IGFBP6: variants seen among roughly 807,000 people sequenced by gnomAD.
IGFBP6 encodes the protein insulin-like growth factor-binding protein 6.
In IGFBP6, 24 loss-of-function variants were observed where a neutral mutation model predicts 24.5. That is an observed-to-expected ratio of 0.98 (90% CI 0.71 to 1.38). The LOEUF (loss-of-function observed/expected upper bound fraction) is 1.38, where lower values mean the gene tolerates loss of function less well. Among genes scored for constraint, IGFBP6 ranks in the 40% most tolerant of loss-of-function variants. The pLI is 0.00. For synonymous variants in IGFBP6, 147 were observed against 137.4 expected (o/e 1.07, Z -0.49); for missense variants, 331 against 324.8 (o/e 1.02, Z -0.15).
intron 1 of IGFBP6, chr12:53,098,894 AT>A (rs1311383666): frequency 6.5e-6 from 1 of 153,110 alleles, no homozygotes; most frequent in African/African-American, 2.4e-5. Flanking sequence ...GGGATGGAGA[AT>A]TCACTTGGAG....
In IGFBP6 at chr12:53,101,079, A is replaced by T. The variant is rs1249809007; in HGVS notation, c.519A>T (p.Gln173His). 2 of 1,613,886 alleles carry T rather than the reference A, an allele frequency of 1.2e-6. No individual in the cohort carries two copies. The highest frequency in any genetic ancestry group is 8.5e-7 in the Non-Finnish European group (1 of 1,179,990). The change falls in exon 3 of 4, where the codon CAA becomes CAT. Residue 173 changes from glutamine (Q) to histidine (H), a missense_variant. Physicochemically the swap from Gln to His is conservative, Grantham distance 24. Transcript: ENST00000301464. ...CRRHLDSVLQ[Q>H]LQTEVYRGAQ... ...GACATCTGGACTCAGTGCTGCAGCAACTCCAGACTGAGGTCTACCGAGGGG... is the reference window on the plus strand; with the variant it reads ...GACATCTGGACTCAGTGCTGCAGCATCTCCAGACTGAGGTCTACCGAGGGG...
At position 53,097,968 on chromosome 12, in the gene IGFBP6, G is replaced by T; in HGVS notation, c.251G>T (p.Cys84Phe). ...CCTAACTGCGCCCCAGGACTGCAGT[G>T]CCATCCGCCCAAGGACGACGAGGCG... ...YTPNCAPGLQ[C>F]HPPKDDEAPL... The change falls in exon 1 of 4, where the codon TGC becomes TTC. Residue 84 changes from cysteine (C) to phenylalanine (F), a missense_variant. Physicochemically the swap from Cys to Phe is radical, Grantham distance 205. Transcript: ENST00000301464. 6.6e-7 allele frequency: 1 copy of T among 1,517,794 alleles called. No homozygotes were observed. Among genetic ancestry groups the T allele is most frequent in the East Asian group, 2.6e-5 (1 of 39,212 alleles). The allele number at this position is 1,517,794 out of a possible 1,614,324, so 94.0% of individuals were successfully genotyped here.
intron 1 of IGFBP6, chr12:53,099,302 C>T (rs755275256): frequency 1.3e-5 from 6 of 455,744 alleles, no homozygotes; most frequent in Admixed American, 4.7e-5. Flanking sequence ...GAAACTTTCT[C>T]CAGAGCCAGG....
At chr12:53,098,501 C>G (rs1225538545) in intron 1 of IGFBP6, among the ~76,000 whole-genome samples, 1 of 152,170 alleles carries the variant, frequency 6.6e-6, no homozygotes, top group African/African-American at 2.4e-5. Flanking sequence ...ATTCTGCACA[C>G]ACTGAGAAAT....
chr12:53,099,266 G>A (rs1457489379), intron 1 of IGFBP6: 2 of 454,502 alleles, frequency 4.4e-6, no homozygotes, highest in Admixed American at 4.7e-5. Context: ...CCCCTTCCCA[G>A]TCCTGAGCTC....
chr12:53,101,092 G>A lies in IGFBP6; in HGVS notation c.532G>A (p.Val178Ile). 1 of 1,614,180 alleles carries A rather than the reference G, an allele frequency of 6.2e-7. No homozygotes were observed. Among genetic ancestry groups the A allele is most frequent in the Non-Finnish European group, 8.5e-7 (1 of 1,180,022 alleles). ...AGTGCTGCAGCAACTCCAGACTGAG[G>A]TCTACCGAGGGGCTCAAACACTCTA... ...DSVLQQLQTE[V>I]YRGAQTLYVP... Residue 178 changes from valine (V) to isoleucine (I), a missense_variant, in exon 3 of 4, where the codon GTC (valine) becomes ATC (isoleucine). Physicochemically the swap from Val to Ile is conservative, Grantham distance 29 (BLOSUM62 3). Transcript: ENST00000301464.
At position 53,098,015 on chromosome 12, in the gene IGFBP6, G is replaced by A. The variant is rs1047815245; in HGVS notation, c.298G>A (p.Gly100Ser). 3 of 1,501,930 alleles carry A rather than the reference G, an allele frequency of 2.0e-6. No individual in the cohort carries two copies. Among genetic ancestry groups the A allele is most frequent in the East Asian group, 2.6e-5 (1 of 37,880 alleles). 93.0% of individuals were successfully genotyped at this position (1,501,930 alleles called of 1,614,324 possible). Residue 100 changes from glycine (G) to serine (S), a missense_variant, in exon 1 of 4, where the codon GGC becomes AGC. Transcript: ENST00000301464. The part of the protein sequence containing the change: ...DEAPLRALLL[G>S]RGRCLPARAP... ...GGCGCCTTTGCGGGCGCTGCTGCTC[G>A]GCCGAGGCCGCTGCCTTCCGGCCCG...
intron 1 of IGFBP6, among the ~76,000 whole-genome samples, 159 bp downstream of exon 1, chr12:53,098,210 G>A (rs974083658): frequency 1.3e-5 from 2 of 152,272 alleles, no homozygotes; most frequent in African/African-American, 4.8e-5. Context: ...GAAGGGGCAA[G>A]TGCAGGAAGC....
chr12:53,097,952 GC>G lies in IGFBP6; in HGVS notation c.239del (p.Pro80GlnfsTer53). 2.0e-6 allele frequency: 3 copies of G among 1,511,474 alleles called. No homozygotes were observed. Among genetic ancestry groups the G allele is most frequent in the Admixed American group, 2.1e-5 (1 of 47,048 alleles). 93.6% of individuals were successfully genotyped at this position (1,511,474 alleles called of 1,614,324 possible). ...QECGVYTPNCAPGLQCHPPKD... is the reference protein window; with the variant it reads ...QECGVYTPNCXPGLQCHPPKD... ...GTGCGGGGTCTACACCCCTAACTGCGCCCCAGGACTGCAGTGCCATCCGCCC... is the reference window on the plus strand; with the variant it reads ...GTGCGGGGTCTACACCCCTAACTGCGCCCAGGACTGCAGTGCCATCCGCCC... On this transcript the variant is annotated frameshift_variant, in exon 1 of 4. Coordinates refer to ENST00000301464, the MANE Select transcript of IGFBP6 (RefSeq NM_002178.3). LOFTEE classifies it high-confidence loss of function.
chr12:53,098,063 C>T lies in IGFBP6; in HGVS notation c.334+12C>T. 1 of 1,424,806 alleles carries T rather than the reference C, an allele frequency of 7.0e-7. No homozygotes were observed. Among genetic ancestry groups the T allele is most frequent in the Non-Finnish European group, 9.1e-7 (1 of 1,100,076 alleles). 88.3% of individuals were successfully genotyped at this position (1,424,806 alleles called of 1,614,324 possible). The stretch of plus-strand genomic sequence containing the variant: ...CCGCGCGCCTGCTGGTGAGTCCGCG[C>T]CCCGCCCCTGCCCCGCCCACGTGAG... On this transcript the variant is annotated intron_variant, in intron 1 of 3. Transcript: ENST00000301464.
chr12:53,099,905 A>G (rs1937800296), intron 1 of IGFBP6, among the ~76,000 whole-genome samples: 1 of 152,030 alleles, frequency 6.6e-6, no homozygotes, highest in African/African-American at 2.4e-5. Flanking sequence ...TCTGTTGCCC[A>G]GGCTGGAGTA....
At chr12:53,098,585 C>T (rs1426352085) in intron 1 of IGFBP6, among the ~76,000 whole-genome samples, 1 of 152,138 alleles carries the variant, frequency 6.6e-6, no homozygotes, top group Non-Finnish European at 1.5e-5. Flanking sequence ...GGCCCCAAAT[C>T]CAGGGTTGTA....
chr12:53,101,067 A>C lies in IGFBP6; in HGVS notation c.507A>C (p.Ser169=), dbSNP rs199920737. 4 of 1,614,206 alleles carry C rather than the reference A, an allele frequency of 2.5e-6. No homozygotes were observed. In the African/African-American group the frequency reaches 5.3e-5, roughly 22 times the overall value. ...GCCCATGCCGTAGACATCTGGACTC[A>C]GTGCTGCAGCAACTCCAGACTGAGG... is the stretch of plus-strand genomic sequence containing the variant. ...EMGPCRRHLD[S]VLQQLQTEVY... The change falls in exon 3 of 4, where the codon TCA becomes TCC. Residue 169 remains serine, a synonymous_variant. Transcript: ENST00000301464.
Position 53,101,038 on chromosome 12 carries a change from CA to C in IGFBP6, c.481-2del, listed in dbSNP as rs1372130651. On this transcript the variant is annotated splice_acceptor_variant, in intron 2 of 3. Coordinates refer to ENST00000301464, the MANE Select transcript of IGFBP6 (RefSeq NM_002178.3). LOFTEE classifies it high-confidence loss of function. ...TCTAAGCTGCCTACTCTCCCTTCCC[CA>C]GGGCCCATGCCGTAGACATCTGGAC... 2 of 1,613,696 alleles carry C rather than the reference CA, an allele frequency of 1.2e-6. No homozygotes were observed. The highest frequency in any genetic ancestry group is 1.3e-5 in the African/African-American group (1 of 74,938).
chr12:53,099,405 G>A, intron 1 of IGFBP6: 1 of 441,360 alleles, frequency 2.3e-6, no homozygotes, highest in South Asian at 1.6e-5. Context: ...TGTGCTCCTG[G>A]GACCACTGGG....
chr12:53,102,049 G>C lies in IGFBP6; in HGVS notation c.605G>C (p.Arg202Pro). The C allele has an allele frequency of 6.2e-7, 1 of 1,613,058 alleles. No homozygotes were observed. The highest frequency in any genetic ancestry group is 1.1e-5 in the South Asian group (1 of 91,024). Residue 202 changes from arginine (R) to proline (P), a missense_variant, in exon 4 of 4, where the codon CGC becomes CCC. Arg to Pro is a moderately radical substitution (Grantham distance 103). Transcript: ENST00000301464. ...CCTGTGTGCCTCTCTCTCCAGTGCC[G>C]CTCCTCCCAGGGGCAGCGCCGAGGT... ...HRGFYRKRQC[R>P]SSQGQRRGPC...
At chr12:53,101,292 T>A in intron 3 of IGFBP6, 132 bp downstream of exon 3, 1 of 898,182 alleles carries the variant, frequency 1.1e-6, no homozygotes. Flanking sequence ...TAGGAGAACA[T>A]AGAGAATATA....
At chr12:53,100,896 GC>G in intron 2 of IGFBP6, 39 bp downstream of exon 2, 1 of 1,612,632 alleles carries the variant, frequency 6.2e-7, no homozygotes, top group South Asian at 1.1e-5. Context: ...GGGGTGGGAA[GC>G]CCTGGAGACT....
intron 3 of IGFBP6, among the ~76,000 whole-genome samples, chr12:53,101,411 G>A (rs777251201): frequency 5.3e-5 from 8 of 152,182 alleles, no homozygotes; most frequent in Non-Finnish European, 1.0e-4. Flanking sequence ...AGAATCCTCC[G>A]GAGGGCTTAT....
Sources: allele counts gnomAD v4.1 joint callset (sites outside exome capture counted in the v4.1 genomes callset), GRCh38; gene constraint gnomAD v4.1.1; transcripts MANE v1.5; gene names NCBI Gene and HGNC (gene_info 2026-07-23, HGNC 2026-07-21).